The following SEMA5A variants were observed in gnomAD, a reference collection of about 807,000 sequenced individuals.
SEMA5A encodes semaphorin-5A.
A neutral mutation model predicts 135.5 loss-of-function variants in SEMA5A; 55 were observed. That is an observed-to-expected ratio of 0.41 (90% CI 0.33 to 0.51). The LOEUF is 0.51. Ranked by LOEUF, SEMA5A falls within the 20% of genes least tolerant of loss-of-function variation. The probability of loss-of-function intolerance (pLI) is 0.37; values close to 1 mark genes in which losing one functional copy is unlikely to be tolerated. For synonymous variants in SEMA5A, 580 were observed against 546.5 expected (o/e 1.06, Z -0.85); for missense variants, 1,290 against 1,419.9 (o/e 0.91, Z 1.47).
chr5:9,223,199 T>C (rs1747099348), intron 8 of SEMA5A, among the ~76,000 whole-genome samples: 2 of 152,220 alleles, frequency 1.3e-5, no homozygotes, highest in African/African-American at 4.8e-5. Context: ...ACAATTCATG[T>C]TTCCCTTTGG....
At chr5:9,238,485 G>A (rs1748028561) in intron 5 of SEMA5A, among the ~76,000 whole-genome samples, 1 of 152,094 alleles carries the variant, frequency 6.6e-6, no homozygotes, top group Admixed American at 6.6e-5. Context: ...AATGTTTAGA[G>A]CCACAGCTTT....
intron 8 of SEMA5A, among the ~76,000 whole-genome samples, chr5:9,218,771 T>C (rs2150402448): frequency 6.6e-6 from 1 of 152,332 alleles, no homozygotes; most frequent in African/African-American, 2.4e-5. Flanking sequence ...GATTAGATGG[T>C]GATGGATGTA....
At chr5:9,466,816 A>G (rs887359014) in intron 1 of SEMA5A, among the ~76,000 whole-genome samples, 5 of 152,228 alleles carry the variant, frequency 3.3e-5, no homozygotes, top group Non-Finnish European at 5.9e-5. Context: ...TCCACTCCCA[A>G]TGAGTGTTTC....
At chr5:9,128,654 C>T (rs1401657659) in intron 13 of SEMA5A, among the ~76,000 whole-genome samples, 1 of 152,160 alleles carries the variant, frequency 6.6e-6, no homozygotes, top group Non-Finnish European at 1.5e-5. Flanking sequence ...TAGGCATATA[C>T]AGTCTATATG....
chr5:9,358,730 G>T (rs1292430895), intron 3 of SEMA5A, among the ~76,000 whole-genome samples: 1 of 152,202 alleles, frequency 6.6e-6, no homozygotes, highest in African/African-American at 2.4e-5. Flanking sequence ...AAGTCATTCA[G>T]TGCACCCTCT....
At chr5:9,481,669 T>G (rs1759880851) in intron 1 of SEMA5A, among the ~76,000 whole-genome samples, 1 of 152,194 alleles carries the variant, frequency 6.6e-6, no homozygotes, top group African/African-American at 2.4e-5. Flanking sequence ...CCTTTTTCTT[T>G]TTTGGTTCCA....
At chr5:9,521,922 C>T (rs1455007713) in intron 1 of SEMA5A, among the ~76,000 whole-genome samples, 2 of 152,168 alleles carry the variant, frequency 1.3e-5, no homozygotes, top group Non-Finnish European at 2.9e-5. Flanking sequence ...CTGCCTGTCA[C>T]ACCTGTCCTC....
intron 5 of SEMA5A, among the ~76,000 whole-genome samples, chr5:9,245,107 A>G (rs1290007212): frequency 1.3e-5 from 2 of 152,198 alleles, no homozygotes; most frequent in Non-Finnish European, 2.9e-5. Context: ...ATGAAATGGA[A>G]CATTCCAGAA....
intron 2 of SEMA5A, among the ~76,000 whole-genome samples, chr5:9,412,300 A>T (rs1757127872): frequency 6.6e-6 from 1 of 151,838 alleles, no homozygotes; most frequent in African/African-American, 2.4e-5. Flanking sequence ...TAAGTCCTCG[A>T]AAATTAATTG....
chr5:9,123,918 C>G (rs929238032), intron 13 of SEMA5A, among the ~76,000 whole-genome samples: 2 of 152,030 alleles, frequency 1.3e-5, no homozygotes, highest in Admixed American at 1.3e-4. Flanking sequence ...GAGAGAACAC[C>G]CAACATGCTC....
At chr5:9,372,032 T>A (rs1351203552) in intron 3 of SEMA5A, among the ~76,000 whole-genome samples, 2 of 152,250 alleles carry the variant, frequency 1.3e-5, no homozygotes, top group Non-Finnish European at 2.9e-5. Context: ...TAGGACATTA[T>A]CATGCAATCA....
chr5:9,330,888 G>A (rs1489822877), intron 4 of SEMA5A, among the ~76,000 whole-genome samples: 1 of 152,166 alleles, frequency 6.6e-6, no homozygotes. Context: ...AAAAAAGACT[G>A]CAGTGAAAAG....
intron 8 of SEMA5A, among the ~76,000 whole-genome samples, chr5:9,205,985 T>G (rs941394176): frequency 1.3e-5 from 2 of 152,238 alleles, no homozygotes; most frequent in Non-Finnish European, 2.9e-5. Flanking sequence ...TTTATTGATA[T>G]AAATTTGGAA....
intron 9 of SEMA5A, among the ~76,000 whole-genome samples, chr5:9,200,517 C>T (rs1382777355): frequency 6.6e-6 from 1 of 152,180 alleles, no homozygotes; most frequent in East Asian, 1.9e-4. Context: ...AGAAAATCAA[C>T]TTCAGAAACT....
At chr5:9,070,645 C>T (rs201454835) in intron 16 of SEMA5A, among the ~76,000 whole-genome samples, 104 of 152,234 alleles carry the variant, frequency 6.8e-4, no homozygotes, top group Middle Eastern at 3.4e-3. Context: ...GTGTGTTGGT[C>T]CCAGAGGTGG....
chr5:9,518,745 T>C (rs960362732), intron 1 of SEMA5A, among the ~76,000 whole-genome samples: 1 of 152,144 alleles, frequency 6.6e-6, no homozygotes, highest in African/African-American at 2.4e-5. Flanking sequence ...TTGATCTTAA[T>C]GGAACCCCAT....
chr5:9,472,120 A>G (rs1759497984), intron 1 of SEMA5A, among the ~76,000 whole-genome samples: 6 of 152,246 alleles, frequency 3.9e-5, no homozygotes, highest in Admixed American at 3.9e-4. Flanking sequence ...AACATTAGAA[A>G]AAAGCTATTG....
intron 6 of SEMA5A, among the ~76,000 whole-genome samples, chr5:9,230,158 CTTTTT>C (rs5865817): frequency 2.0e-5 from 2 of 98,284 alleles, no homozygotes; most frequent in African/African-American, 7.7e-5. Context: ...CTATTTTTTT[CTTTTT>C]TTTTTTTTTT....
chr5:9,381,155 C>T lies in SEMA5A; in HGVS notation c.-77-1132G>A, dbSNP rs1579444956. 2.6e-5 allele frequency among the ~76,000 whole-genome samples: 4 copies of T among 152,182 alleles called. 1 individual carries two copies. The highest frequency in any genetic ancestry group is 2.6e-4 in the Admixed American group (4 of 15,288). On this transcript the variant is annotated intron_variant, in intron 2 of 22. Transcript: ENST00000382496. ...CCATAGTACATTAATGTTAGAAGAT[C>T]TTATTAATATTAATAAGACCATTAT...
Sources: gnomAD v4.1 joint callset for allele counts (sites outside exome capture counted in the v4.1 genomes callset) on GRCh38, gnomAD v4.1.1 for gene constraint, MANE v1.5 for transcripts, NCBI Gene and HGNC (gene_info 2026-07-23, HGNC 2026-07-21) for gene names.